PTPRN2: variants seen among roughly 807,000 people sequenced by gnomAD.
The protein encoded by PTPRN2 is receptor-type tyrosine-protein phosphatase N2.
In PTPRN2, 74 loss-of-function variants were observed where a neutral mutation model predicts 118.8. The ratio of observed to expected loss-of-function variants is 0.62; its 90% CI spans 0.52 to 0.76. The LOEUF (loss-of-function observed/expected upper bound fraction) is 0.76, where lower values mean the gene tolerates loss of function less well. Among genes scored for constraint, PTPRN2 ranks in the 30% least tolerant of loss-of-function variants. The pLI, the probability that PTPRN2 is intolerant of heterozygous loss-of-function variation, is 0.00. For synonymous variants in PTPRN2, 641 were observed against 608.0 expected, an observed-to-expected ratio of 1.05 and a Z score of -0.80; for missense variants, 1,481 against 1,394.4, an observed-to-expected ratio of 1.06 and a Z score of -0.99.
chr7:158,199,216 G>T (rs1255225506), intron 4 of PTPRN2, among the ~76,000 whole-genome samples: 2 of 152,012 alleles, frequency 1.3e-5, no homozygotes, highest in Non-Finnish European at 2.9e-5. Context: ...AGGTCTCTTA[G>T]CCCTTAGCGT....
At chr7:157,786,384 G>T (rs1804038648) in intron 12 of PTPRN2, among the ~76,000 whole-genome samples, 1 of 152,230 alleles carries the variant, frequency 6.6e-6, no homozygotes, top group African/African-American at 2.4e-5. Flanking sequence ...AGTCTAAGAA[G>T]GAAGATTATT....
intron 8 of PTPRN2, among the ~76,000 whole-genome samples, chr7:158,134,295 C>T (rs767156885): frequency 3.9e-5 from 6 of 152,096 alleles, no homozygotes; most frequent in South Asian, 2.1e-4. Flanking sequence ...TCCTCCCTCC[C>T]GCTCCCTCTC....
intron 14 of PTPRN2, among the ~76,000 whole-genome samples, chr7:157,634,293 A>G (rs1804160646): frequency 6.6e-6 from 1 of 152,220 alleles, no homozygotes; most frequent in African/African-American, 2.4e-5. Context: ...CAGTCTGGAT[A>G]AAAACCTGAA....
At chr7:157,742,696 G>A (rs1439999294) in intron 12 of PTPRN2, among the ~76,000 whole-genome samples, 2 of 152,168 alleles carry the variant, frequency 1.3e-5, no homozygotes, top group Non-Finnish European at 2.9e-5. Flanking sequence ...TGTGTCTGCT[G>A]TCTGTTGCTG....
intron 12 of PTPRN2, among the ~76,000 whole-genome samples, chr7:157,816,959 G>A (rs1806444222): frequency 6.6e-6 from 1 of 152,224 alleles, no homozygotes; most frequent in Non-Finnish European, 1.5e-5. Flanking sequence ...CCACATCCAG[G>A]GCACTGCAGA....
chr7:157,755,047 G>T (rs141383716), intron 12 of PTPRN2, among the ~76,000 whole-genome samples: 3 of 152,192 alleles, frequency 2.0e-5, no homozygotes, highest in Non-Finnish European at 4.4e-5. Context: ...TGCCACGCCC[G>T]GCTAATTTTT....
chr7:158,362,159 C>G (rs186051770), intron 2 of PTPRN2, among the ~76,000 whole-genome samples: 7 of 152,342 alleles, frequency 4.6e-5, no homozygotes, highest in Admixed American at 2.6e-4. Flanking sequence ...GCAGGCACCA[C>G]CTTTCCTGGA....
chr7:158,119,681 CTATTT>C, intron 9 of PTPRN2, among the ~76,000 whole-genome samples: 1 of 152,006 alleles, frequency 6.6e-6, no homozygotes. Context: ...TATAATTGTT[CTATTT>C]TATCACTACT....
At chr7:158,515,486 C>T (rs578120763) in intron 1 of PTPRN2, among the ~76,000 whole-genome samples, 1 of 152,260 alleles carries the variant, frequency 6.6e-6, no homozygotes, top group East Asian at 1.9e-4. Flanking sequence ...CATGCCCAGC[C>T]GTGCGAATGT....
chr7:158,197,782 C>G (rs978852987), intron 4 of PTPRN2, among the ~76,000 whole-genome samples: 2 of 152,116 alleles, frequency 1.3e-5, no homozygotes, highest in Non-Finnish European at 2.9e-5. Context: ...CATCAGATCT[C>G]GTGAAAACTC....
At chr7:158,038,153 G>A (rs1808213125) in intron 11 of PTPRN2, among the ~76,000 whole-genome samples, 1 of 152,168 alleles carries the variant, frequency 6.6e-6, no homozygotes, top group Admixed American at 6.5e-5. Context: ...AAAGTAAGAT[G>A]AGAAAGTTGA....
intron 2 of PTPRN2, among the ~76,000 whole-genome samples, chr7:158,363,224 G>A (rs1809147418): frequency 1.3e-5 from 2 of 151,944 alleles, no homozygotes. Flanking sequence ...GCTACGGGAG[G>A]ACGCTCGGGA....
intron 12 of PTPRN2, among the ~76,000 whole-genome samples, chr7:157,860,383 G>A (rs1263001722): frequency 6.6e-6 from 1 of 152,204 alleles, no homozygotes; most frequent in Non-Finnish European, 1.5e-5. Flanking sequence ...CGCCTCTCCA[G>A]GAGCTGGGCC....
Position 158,526,843 on chromosome 7 carries a change from G to A in PTPRN2, c.113-37058C>T, listed in dbSNP as rs766549708. ...TGCCGTGCTCTCATCTTGGACTTTC[G>A]GCCTCCAGGACTCAGAAATGTCTGT... On this transcript the variant is annotated intron_variant, in intron 1 of 22. Coordinates refer to ENST00000389418, the MANE Select transcript of PTPRN2 (RefSeq NM_002847.5). The surrounding 1 kb of genome is among the most constrained non-coding windows in gnomAD (Gnocchi z 5.2). Among the ~76,000 whole-genome samples the A allele has an allele frequency of 3.9e-5, 6 of 152,122 alleles. No individual in the cohort carries two copies. Among genetic ancestry groups the A allele is most frequent in the Non-Finnish European group, 4.4e-5 (3 of 67,998 alleles).
At chr7:158,391,378 G>A (rs960866123) in intron 2 of PTPRN2, among the ~76,000 whole-genome samples, 10 of 152,090 alleles carry the variant, frequency 6.6e-5, no homozygotes, top group African/African-American at 1.2e-4. Context: ...ATCCAGGTCC[G>A]GGCCCTGACA....
intron 12 of PTPRN2, among the ~76,000 whole-genome samples, chr7:157,693,844 C>A (rs1046186395): frequency 1.3e-5 from 2 of 152,148 alleles, no homozygotes; most frequent in Non-Finnish European, 2.9e-5. Flanking sequence ...CGGGAGCTCT[C>A]CGAGGTGGCC....
At chr7:157,883,479 A>C (rs2151291267) in intron 12 of PTPRN2, among the ~76,000 whole-genome samples, 1 of 151,220 alleles carries the variant, frequency 6.6e-6, no homozygotes, top group African/African-American at 2.4e-5. Flanking sequence ...CCCAAAAATG[A>C]CTGTCAGAGA....
At chr7:158,313,879 G>A (rs571757509) in intron 3 of PTPRN2, among the ~76,000 whole-genome samples, 1 of 152,212 alleles carries the variant, frequency 6.6e-6, no homozygotes, top group Admixed American at 6.5e-5. Flanking sequence ...GGGGAATTCG[G>A]GGCCACTAGA....
At chr7:158,171,073 T>TACACATATATATAC in intron 5 of PTPRN2, among the ~76,000 whole-genome samples, 1 of 81,842 alleles carries the variant, frequency 1.2e-5, no homozygotes, top group African/African-American at 3.8e-5. Flanking sequence ...ACACATTATA[T>TACACATATATATAC]ACACATATAT....
Sources: allele counts gnomAD v4.1 joint callset (sites outside exome capture counted in the v4.1 genomes callset), GRCh38; gene constraint gnomAD v4.1.1; non-coding constraint Gnocchi (gnomAD v3.1); transcripts MANE v1.5; gene names NCBI Gene and HGNC (gene_info 2026-07-23, HGNC 2026-07-21).